The following DGKD variants were observed in gnomAD, a reference collection of about 807,000 sequenced individuals.
The protein encoded by DGKD is DAG kinase delta.
In DGKD, 68 loss-of-function variants were observed where a neutral mutation model predicts 154.4. The observed-to-expected ratio is 0.44, with a 90% CI of 0.36 to 0.54. DGKD has a LOEUF of 0.54. DGKD is among the 20% of genes least tolerant of loss of function. DGKD has a pLI of 0.00. For synonymous variants in DGKD, 693 were observed against 638.0 expected (o/e 1.09, Z -1.30); for missense variants, 1,343 against 1,593.6 (o/e 0.84, Z 2.68).
At chr2:233,428,874 T>TTG (rs1559535056) in intron 3 of DGKD, among the ~76,000 whole-genome samples, 108 of 151,746 alleles carry the variant, frequency 7.1e-4, no homozygotes, top group East Asian at 1.7e-3. Flanking sequence ...GAGGTTTTTT[T>TTG]TTGTTGTTGT....
chr2:233,390,754 C>A (rs566740636), intron 3 of DGKD, among the ~76,000 whole-genome samples: 2 of 151,944 alleles, frequency 1.3e-5, no homozygotes, highest in African/African-American at 2.4e-5. Flanking sequence ...TTTTTTGAGA[C>A]GGAGTTTGGC....
rs1318625766 is a variant in DGKD, at chr2:233,451,045, A to G, written c.2162A>G (p.Tyr721Cys). 4.4e-6 allele frequency: 7 copies of G among 1,604,474 alleles called. No individual in the cohort carries two copies. The Admixed American group carries it at 8.3e-5, about 19-fold the overall frequency. ...CCTGCGCTCAACACCAAGATCCTGT[A>G]CCCAAGTGAGTGGCGGCCAGCAGGA... ...GLPALNTKIL[Y>C]PNVRAGMSGS... Residue 721 changes from tyrosine to cysteine, a missense_variant, in exon 17 of 30, where the codon TAC becomes TGC. Around this residue, in one of 6 missense-constraint regions of DGKD, gnomAD observed 409 missense variants for 446.0 expected, o/e 0.92. Coordinates refer to ENST00000264057, the MANE Select transcript of DGKD (RefSeq NM_152879.3).
At chr2:233,413,574 C>T (rs897783695) in intron 3 of DGKD, among the ~76,000 whole-genome samples, 2 of 152,156 alleles carry the variant, frequency 1.3e-5, no homozygotes, top group African/African-American at 4.8e-5. Flanking sequence ...CCGAACCATG[C>T]CTGGCACCAA....
chr2:233,466,491 T>C (rs999792156), intron 27 of DGKD, among the ~76,000 whole-genome samples: 4 of 152,152 alleles, frequency 2.6e-5, no homozygotes, highest in African/African-American at 7.2e-5. Flanking sequence ...GTGTCTCTTA[T>C]AAAGAGTGCA....
At chr2:233,454,538 C>T (rs1209660336) in intron 18 of DGKD, 12 of 527,968 alleles carry the variant, frequency 2.3e-5, no homozygotes, top group African/African-American at 9.8e-5. Flanking sequence ...GCTCTAAAAT[C>T]GATTATCTAG....
chr2:233,410,891 A>G (rs567040170), intron 3 of DGKD, among the ~76,000 whole-genome samples: 1 of 152,304 alleles, frequency 6.6e-6, no homozygotes, highest in East Asian at 1.9e-4. Context: ...GCCTCTTCAC[A>G]GGCAAACATG....
At chr2:233,426,877 A>G (rs2062323589) in intron 3 of DGKD, among the ~76,000 whole-genome samples, 3 of 152,240 alleles carry the variant, frequency 2.0e-5, no homozygotes, top group Non-Finnish European at 4.4e-5. Context: ...TGAGAGATGC[A>G]TCACCCTGTA....
intron 3 of DGKD, among the ~76,000 whole-genome samples, chr2:233,431,392 C>T (rs906537098): frequency 5.3e-5 from 8 of 152,154 alleles, no homozygotes; most frequent in African/African-American, 1.4e-4. Flanking sequence ...TGAAAATGTT[C>T]GTATTACCCA....
At chr2:233,387,836 T>G (rs1018825906) in intron 1 of DGKD, among the ~76,000 whole-genome samples, 2 of 152,104 alleles carry the variant, frequency 1.3e-5, no homozygotes, top group Admixed American at 6.5e-5. Flanking sequence ...TCCTGAGAAA[T>G]GGCAGGGGGC....
chr2:233,464,112 G>A, intron 26 of DGKD, 52 bp from the exon 27 acceptor site: 2 of 1,611,420 alleles, frequency 1.2e-6, no homozygotes, highest in Non-Finnish European at 1.7e-6. Flanking sequence ...GCCTCGCGCT[G>A]ATCAGCAGTG....
intron 3 of DGKD, among the ~76,000 whole-genome samples, chr2:233,399,570 C>A (rs1225687744): frequency 6.6e-6 from 1 of 152,128 alleles, no homozygotes; most frequent in Non-Finnish European, 1.5e-5. Flanking sequence ...AGGGATGTTT[C>A]TTGCCAGAGG....
At chr2:233,389,276 A>G (rs1703414979) in intron 2 of DGKD, among the ~76,000 whole-genome samples, 1 of 152,240 alleles carries the variant, frequency 6.6e-6, no homozygotes, top group African/African-American at 2.4e-5. Flanking sequence ...AGGTAGATTT[A>G]AAGCTAGAAG....
chr2:233,437,573 G>A (rs2062742649), intron 8 of DGKD, 94 bp downstream of exon 8: 1 of 1,267,222 alleles, frequency 7.9e-7, no homozygotes, highest in African/African-American at 1.5e-5. Context: ...TGGTTATCTT[G>A]GTGAGATGTC....
intron 19 of DGKD, among the ~76,000 whole-genome samples, chr2:233,455,625 C>T (rs1003184590): frequency 1.3e-5 from 2 of 152,224 alleles, no homozygotes; most frequent in Admixed American, 6.5e-5. Context: ...GTGCAGAGAA[C>T]AGCCCTTGAC....
intron 1 of DGKD, among the ~76,000 whole-genome samples, chr2:233,355,445 C>T (rs1322152140): frequency 6.6e-6 from 1 of 152,242 alleles, no homozygotes; most frequent in Non-Finnish European, 1.5e-5. Context: ...ACTGCTTCCT[C>T]AGGCAGGTGG....
Position 233,462,353 on chromosome 2 carries a change from G to C in DGKD, c.2987G>C (p.Arg996Pro), listed in dbSNP as rs765017713. The C allele has an allele frequency of 6.3e-7, 1 of 1,598,068 alleles. No homozygotes were observed. The highest frequency in any genetic ancestry group is 1.1e-5 in the South Asian group (1 of 90,606). ...GTGCTTCTCTTCCTCTCTAGTATCC[G>C]AGAAATAGCTCAGTCTCACCGGGAC... ...QAAGVLIHSI[R>P]EIAQSHRDME... The change falls in exon 25 of 30, where the codon CGA (arginine) becomes CCA (proline). Residue 996 changes from arginine to proline, a missense_variant. Arg to Pro is a moderately radical substitution (Grantham distance 103, BLOSUM62 -2). Around this residue, in one of 6 missense-constraint regions of DGKD, gnomAD observed 429 missense variants for 496.3 expected, o/e 0.86. Coordinates refer to ENST00000264057, the MANE Select transcript of DGKD (RefSeq NM_152879.3).
chr2:233,397,045 T>A (rs7573163), intron 3 of DGKD, among the ~76,000 whole-genome samples: 10,930 of 23,452 alleles, frequency 0.47, 2,118 homozygotes, highest in African/African-American at 0.55. Flanking sequence ...GTGAGAGGAC[T>A]CCAGAGGGGA....
chr2:233,439,703 A>G (rs1268010657), intron 9 of DGKD, among the ~76,000 whole-genome samples: 2 of 152,086 alleles, frequency 1.3e-5, no homozygotes, highest in African/African-American at 4.8e-5. Flanking sequence ...CTGGGACTAC[A>G]GGTGTGTACC....
At chr2:233,391,984 A>C (rs1290095871) in intron 3 of DGKD, 1 of 152,146 alleles carries the variant, frequency 6.6e-6, no homozygotes, top group Non-Finnish European at 1.5e-5. Context: ...TAATAGGAGT[A>C]GGTGTTGAAT....
Sources: allele counts gnomAD v4.1 joint callset (sites outside exome capture counted in the v4.1 genomes callset), GRCh38; gene constraint gnomAD v4.1.1; regional missense constraint gnomAD v4.1.1; transcripts MANE v1.5; gene names NCBI Gene and HGNC (gene_info 2026-07-23, HGNC 2026-07-21).